The following FOXN3 variants were observed in gnomAD, a reference collection of about 807,000 sequenced individuals.
The protein encoded by FOXN3 is forkhead box protein N3.
FOXN3 carries 7 observed loss-of-function variants against 38.4 expected under a neutral mutation model. The observed-to-expected ratio is 0.18, with a 90% CI of 0.10 to 0.34. FOXN3 has a LOEUF of 0.34. Among genes scored for constraint, FOXN3 ranks in the 10% least tolerant of loss-of-function variants. The pLI, the probability that FOXN3 is intolerant of heterozygous loss-of-function variation, is 1.00. For synonymous variants in FOXN3, 230 were observed against 242.2 expected (o/e 0.95, Z 0.47); for missense variants, 456 against 613.4 (o/e 0.74, Z 2.71).
intron 3 of FOXN3, chr14:89,290,514 C>A: frequency 3.9e-6 from 2 of 508,526 alleles, no homozygotes; most frequent in South Asian, 3.3e-5. Flanking sequence ...GTTTACTTTC[C>A]CTTTCATCGG....
At chr14:89,342,306 G>A (rs1888640148) in intron 3 of FOXN3, among the ~76,000 whole-genome samples, 1 of 152,160 alleles carries the variant, frequency 6.6e-6, no homozygotes, top group Admixed American at 6.5e-5. Context: ...TAATATTCAT[G>A]AGCTACCCCT....
chr14:89,568,550 T>G (rs1895415180), intron 1 of FOXN3, among the ~76,000 whole-genome samples: 1 of 152,222 alleles, frequency 6.6e-6, no homozygotes. Flanking sequence ...TTCGGGATTT[T>G]TAGGACTCTT....
intron 3 of FOXN3, among the ~76,000 whole-genome samples, chr14:89,330,049 T>A (rs181987024): frequency 3.6e-4 from 55 of 152,138 alleles, no homozygotes; most frequent in Non-Finnish European, 6.2e-4. Context: ...AACATAAAAA[T>A]AAACTATTTT....
intron 1 of FOXN3, among the ~76,000 whole-genome samples, chr14:89,489,085 A>G (rs1893515938): frequency 6.6e-6 from 1 of 152,168 alleles, no homozygotes; most frequent in Non-Finnish European, 1.5e-5. Context: ...CACCAAGGCT[A>G]GGATTGAAAT....
At position 89,232,346 on chromosome 14, in the gene FOXN3, C is replaced by A. The variant is rs564680230; in HGVS notation, c.745+48604G>T. ...ATTCTGCAGATAGTGTTACTGATGA[C>A]CAATAGACCCCGAGTGCTTTAATCA... On this transcript the variant is annotated intron_variant, in intron 4 of 5. Transcript: ENST00000557258. Among the ~76,000 whole-genome samples the A allele has an allele frequency of 2.6e-5, 4 of 152,322 alleles. No homozygotes were observed. In the South Asian group the frequency reaches 8.3e-4, roughly 32 times the overall value.
Position 89,318,160 on chromosome 14 carries a change from C to T in FOXN3, c.680+32512G>A, listed in dbSNP as rs1436264935. On this transcript the variant is annotated intron_variant, in intron 3 of 5. Coordinates refer to ENST00000557258, the MANE Select transcript of FOXN3 (RefSeq NM_005197.4). ...TTTTCTTTTCTTTCTTCTTCTTCTTCTCTTTTTTTTTTTTTGAGGCGGAGT... is the reference window on the plus strand; with the variant it reads ...TTTTCTTTTCTTTCTTCTTCTTCTTTTCTTTTTTTTTTTTTGAGGCGGAGT... Among the ~76,000 whole-genome samples the T allele has an allele frequency of 7.4e-4, 48 of 65,188 alleles. 1 individual carries two copies. Among genetic ancestry groups the T allele is most frequent in the African/African-American group, 3.1e-3 (41 of 13,428 alleles). The allele number at this position is 65,188 out of a possible 152,430, so 42.8% of individuals were successfully genotyped here.
At chr14:89,240,833 G>A (rs1885119145) in intron 4 of FOXN3, among the ~76,000 whole-genome samples, 1 of 152,226 alleles carries the variant, frequency 6.6e-6, no homozygotes, top group South Asian at 2.1e-4. Context: ...GGGCCTGAGT[G>A]GAGCAGTAAC....
At chr14:89,393,021 G>A (rs1369412284) in intron 2 of FOXN3, among the ~76,000 whole-genome samples, 1 of 152,086 alleles carries the variant, frequency 6.6e-6, no homozygotes, top group Non-Finnish European at 1.5e-5. Flanking sequence ...TGGCCAGACT[G>A]GTCTCAAACT....
At chr14:89,607,803 A>G (rs933692952) in intron 1 of FOXN3, among the ~76,000 whole-genome samples, 1 of 136,252 alleles carries the variant, frequency 7.3e-6, no homozygotes, top group African/African-American at 2.6e-5. Flanking sequence ...TTATGCTTCA[A>G]CTATACATGC....
intron 1 of FOXN3, among the ~76,000 whole-genome samples, chr14:89,452,405 C>T (rs752128324): frequency 8.5e-5 from 13 of 152,140 alleles, no homozygotes; most frequent in Admixed American, 1.3e-4. Context: ...TGGGGAGGGC[C>T]GGAATGAGCA....
At chr14:89,380,600 G>C (rs1890616822) in intron 2 of FOXN3, among the ~76,000 whole-genome samples, 1 of 152,142 alleles carries the variant, frequency 6.6e-6, no homozygotes, top group African/African-American at 2.4e-5. Flanking sequence ...AAGGCGACTG[G>C]AACCACACCC....
intron 4 of FOXN3, among the ~76,000 whole-genome samples, chr14:89,268,068 A>G (rs917152323): frequency 1.2e-4 from 18 of 152,128 alleles, no homozygotes; most frequent in African/African-American, 4.1e-4. Flanking sequence ...ACATATATGC[A>G]CCTACACACA....
intron 4 of FOXN3, among the ~76,000 whole-genome samples, chr14:89,251,078 T>A (rs917526900): frequency 2.0e-5 from 3 of 152,196 alleles, no homozygotes; most frequent in African/African-American, 7.2e-5. Flanking sequence ...GGCCAAGAAA[T>A]GGCTGAAGAA....
intron 1 of FOXN3, among the ~76,000 whole-genome samples, chr14:89,616,521 A>ACCCCCCCCCCCCCCCCCCCCCCC (rs1161046760): frequency 1.6e-4 from 22 of 137,936 alleles, no homozygotes; most frequent in South Asian, 2.5e-4. Flanking sequence ...TCACTCCCCA[A>ACCCCCCCCCCCCCCCCCCCCCCC]CCCCACCCCC....
At chr14:89,205,191 T>C (rs1888348598) in intron 4 of FOXN3, among the ~76,000 whole-genome samples, 1 of 151,410 alleles carries the variant, frequency 6.6e-6, no homozygotes, top group Non-Finnish European at 1.5e-5. Context: ...TCTAGCCACA[T>C]GGTCTATGTG....
Position 89,528,376 on chromosome 14 carries a change from CTTTTTTTTTTTTT to C in FOXN3, c.-15+90639_-15+90651del, listed in dbSNP as rs55935162. ...TCATCCATACTCAACATGGATGAATCTTTTTTTTTTTTTTTTTTTTTTTTTTTTTTTTTGAAAA... is the reference window on the plus strand; with the variant it reads ...TCATCCATACTCAACATGGATGAATCTTTTTTTTTTTTTTTTTTTTGAAAA... On this transcript the variant is annotated intron_variant, in intron 1 of 6. Transcript: ENST00000345097. Among the ~76,000 whole-genome samples the C allele has an allele frequency of 3.8e-3, 204 of 53,582 alleles. 2 individuals carry two copies. The highest frequency in any genetic ancestry group is 0.011 in the African/African-American group (171 of 15,570). 35.2% of individuals were successfully genotyped at this position (53,582 alleles called of 152,430 possible).
intron 3 of FOXN3, among the ~76,000 whole-genome samples, chr14:89,305,155 G>A (rs368356557): frequency 6.6e-5 from 10 of 152,228 alleles, no homozygotes; most frequent in Admixed American, 2.6e-4. Context: ...CACACAGGCC[G>A]GGTGCTGGTG....
intron 1 of FOXN3, among the ~76,000 whole-genome samples, chr14:89,531,195 T>A (rs889351110): frequency 6.6e-5 from 10 of 151,314 alleles, no homozygotes; most frequent in Non-Finnish European, 1.5e-4. Flanking sequence ...GACCTTCAGG[T>A]TTCTTTACGC....
At chr14:89,547,713 C>A (rs1392010621) in intron 1 of FOXN3, among the ~76,000 whole-genome samples, 1 of 152,146 alleles carries the variant, frequency 6.6e-6, no homozygotes, top group Non-Finnish European at 1.5e-5. Flanking sequence ...CTGTGAGCTA[C>A]CACAGGTAGA....
Sources: allele counts gnomAD v4.1 joint callset (sites outside exome capture counted in the v4.1 genomes callset), GRCh38; gene constraint gnomAD v4.1.1; transcripts MANE v1.5; gene names NCBI Gene and HGNC (gene_info 2026-07-23, HGNC 2026-07-21).